Variants in PLEKHG1 observed in about 807,000 individuals in gnomAD.
The protein encoded by PLEKHG1 is pleckstrin homology domain-containing family G member 1.
Under a neutral mutation model 100.8 loss-of-function variants are expected in PLEKHG1, and 44 were observed. The ratio of observed to expected loss-of-function variants is 0.44; its 90% CI spans 0.34 to 0.56. The LOEUF is 0.56. PLEKHG1 is among the 20% of genes least tolerant of loss of function. The pLI is 0.01. For synonymous variants in PLEKHG1, 640 were observed against 662.5 expected (o/e 0.97, Z 0.52); for missense variants, 1,545 against 1,720.9 (o/e 0.90, Z 1.81).
rs577514645 is a variant in PLEKHG1 at position 150,759,168 on chromosome 6, G to A, written c.412-9470G>A. On this transcript the variant is annotated intron_variant, in intron 2 of 15. Transcript: ENST00000358517. ...GCATGCATTAGTGAGAAGGAAGGACGAGAACTCATGAGCCAGTCTTGAACG... is the reference window on the plus strand; with the variant it reads ...GCATGCATTAGTGAGAAGGAAGGACAAGAACTCATGAGCCAGTCTTGAACG... Among the ~76,000 whole-genome samples, 35 of 152,302 alleles carry A rather than the reference G, an allele frequency of 2.3e-4. No individual in the cohort carries two copies. The East Asian group carries it at 6.4e-3, about 28-fold the overall frequency.
intron 11 of PLEKHG1, 120 bp from the exon 13 acceptor site, chr6:150,819,559 C>G (rs1413776530): frequency 6.0e-6 from 3 of 499,962 alleles, no homozygotes; most frequent in African/African-American, 4.0e-5. Context: ...GAGCAAGACT[C>G]TGTCTCAAAA....
At chr6:150,786,517 C>T in intron 4 of PLEKHG1, 58 bp downstream of exon 5, 1 of 1,107,108 alleles carries the variant, frequency 9.0e-7, no homozygotes, top group Non-Finnish European at 1.3e-6. Flanking sequence ...CAGAATTTTT[C>T]ATTTTAAAGT....
At chr6:150,612,059 C>CACCGG (rs1554251538) in intron 1 of PLEKHG1, among the ~76,000 whole-genome samples, 10,884 of 74,622 alleles carry the variant, frequency 0.15, 729 homozygotes, top group South Asian at 0.19. Flanking sequence ...CCCCCCCCCC[C>CACCGG]CTTTTCTAGT....
At chr6:150,617,277 G>A (rs1227917791) in intron 1 of PLEKHG1, among the ~76,000 whole-genome samples, 2 of 152,148 alleles carry the variant, frequency 1.3e-5, no homozygotes, top group Non-Finnish European at 2.9e-5. Flanking sequence ...TTGTTTTCAT[G>A]GTGGCCCAGA....
In PLEKHG1 at chr6:150,831,646, C is replaced by T. The variant is rs770126082; in HGVS notation, c.2535C>T (p.Tyr845=). ...AAATCTGGAATGACCTGGAAAATTA[C>T]ATCAAGAAAAATGAAGACAAGGCCA... The change falls in exon 15 of 16, where the codon TAC becomes TAT. Residue 845 remains tyrosine (Y), a synonymous_variant. Coordinates refer to ENST00000358517, the Ensembl canonical transcript of PLEKHG1. This position sits in a 1 kb window ranked among gnomAD's most constrained non-coding sequence, Gnocchi z 4.1. The T allele has an allele frequency of 1.6e-5, 26 of 1,613,548 alleles. No individual in the cohort carries two copies. Among genetic ancestry groups the T allele is most frequent in the Non-Finnish European group, 2.1e-5 (25 of 1,180,026 alleles).
At chr6:150,702,729 A>G (rs1780849171) in intron 3 of PLEKHG1, among the ~76,000 whole-genome samples, 1 of 152,216 alleles carries the variant, frequency 6.6e-6, no homozygotes, top group Admixed American at 6.5e-5. Flanking sequence ...TTGGGGAAAT[A>G]ATAACCCCGA....
At chr6:150,674,682 T>TCCTCTCTCTCTCTCTCTCC (rs1779694881) in intron 3 of PLEKHG1, among the ~76,000 whole-genome samples, 9 of 104,302 alleles carry the variant, frequency 8.6e-5, no homozygotes, top group Non-Finnish European at 1.4e-4. Flanking sequence ...TCTCTCTCTC[T>TCCTCTCTCTCTCTCTCTCC]CCCCCCTCTT....
rs73780098 is a variant in PLEKHG1 at position 150,734,280 on chromosome 6, G to A, written c.411+188G>A. On this transcript the variant is annotated intron_variant, in intron 2 of 15. Transcript: ENST00000358517. ...GTGTTAACATCCTCTTAATATTTGC[G>A]TTAACAAATTAGTTATGAGTGAGGA... Among the ~76,000 whole-genome samples, 715 of 152,200 alleles carry A rather than the reference G, an allele frequency of 4.7e-3. 4 individuals carry two copies. The highest frequency in any genetic ancestry group is 0.017 in the African/African-American group (687 of 41,506).
intron 14 of PLEKHG1, chr6:150,828,061 A>G: frequency 6.2e-7 from 1 of 1,613,022 alleles, no homozygotes; most frequent in Non-Finnish European, 8.5e-7. Flanking sequence ...ATAAATCAGC[A>G]CCTCAGTGGA....
rs182743235 is a variant in PLEKHG1 at position 150,696,833 on chromosome 6, C to T, written c.-98-36751C>T. Among the ~76,000 whole-genome samples, 235 of 152,194 alleles carry T rather than the reference C, an allele frequency of 1.5e-3. 5 individuals carry two copies. The highest frequency in any genetic ancestry group is 3.9e-4 in the East Asian group (2 of 5,186). ...TTAGAAATCAAACTATAGGGCCGGG[C>T]GCAGTGGCTTATGCCTGTAATCACA... On this transcript the variant is annotated intron_variant, in intron 3 of 3. Transcript: ENST00000367326.
chr6:150,839,711 G>A (rs1355789210), intron 15 of PLEKHG1, 122 bp from the exon 17 acceptor site: 2 of 636,622 alleles, frequency 3.1e-6, no homozygotes, highest in Non-Finnish European at 2.8e-6. Context: ...TTAGACATCA[G>A]TTAGTCTTGT....
intron 3 of PLEKHG1, among the ~76,000 whole-genome samples, chr6:150,675,564 C>T (rs772429946): frequency 3.9e-5 from 6 of 152,220 alleles, no homozygotes; most frequent in Non-Finnish European, 8.8e-5. Flanking sequence ...AGCCTCTTGT[C>T]TTTAATGATA....
chr6:150,733,374 C>T (rs897963790), intron 1 of PLEKHG1, among the ~76,000 whole-genome samples: 1 of 152,056 alleles, frequency 6.6e-6, no homozygotes, highest in African/African-American at 2.4e-5. Flanking sequence ...GGTCAGAGCC[C>T]GAGACACCAC....
At chr6:150,688,807 A>T (rs989445154) in intron 3 of PLEKHG1, among the ~76,000 whole-genome samples, 1 of 152,236 alleles carries the variant, frequency 6.6e-6, no homozygotes, top group African/African-American at 2.4e-5. Flanking sequence ...GGTGCCACAC[A>T]ATTTACCATT....
At chr6:150,609,656 T>C (rs75448131) in intron 1 of PLEKHG1, among the ~76,000 whole-genome samples, 6,686 of 152,074 alleles carry the variant, frequency 0.044, 348 homozygotes, top group African/African-American at 0.11. Context: ...GGGAGTAACA[T>C]AACCTGATGG....
chr6:150,609,157 C>T (rs1776723002), intron 1 of PLEKHG1, among the ~76,000 whole-genome samples: 1 of 152,192 alleles, frequency 6.6e-6, no homozygotes, highest in African/African-American at 2.4e-5. Flanking sequence ...GTTCATTACA[C>T]TTGGGAATTG....
At chr6:150,645,248 G>A (rs1160943912) in intron 2 of PLEKHG1, among the ~76,000 whole-genome samples, 1 of 152,144 alleles carries the variant, frequency 6.6e-6, no homozygotes, top group East Asian at 1.9e-4. Context: ...TGACTCTGGG[G>A]TAATTGGTTA....
exon 16 of PLEKHG1, chr6:150,840,011 T>C (rs1777434526): frequency 1.2e-6 from 2 of 1,614,126 alleles, no homozygotes; most frequent in Non-Finnish European, 1.7e-6. Flanking sequence ...CCTATAGTAA[T>C]GGAGAGTTAG....
At chr6:150,764,644 T>G (rs1784365125) in intron 2 of PLEKHG1, among the ~76,000 whole-genome samples, 1 of 152,154 alleles carries the variant, frequency 6.6e-6, no homozygotes. Context: ...TCTAGCCCTT[T>G]TCAACTCCTT....
Sources: allele counts gnomAD v4.1 joint callset (sites outside exome capture counted in the v4.1 genomes callset), GRCh38; gene constraint gnomAD v4.1.1; non-coding constraint Gnocchi (gnomAD v3.1); transcripts MANE v1.5; gene names NCBI Gene and HGNC (gene_info 2026-07-23, HGNC 2026-07-21).